Variants in HDAC4 observed in about 807,000 individuals in gnomAD.
HDAC4 encodes the protein histone deacetylase A.
Under a neutral mutation model 135.1 loss-of-function variants are expected in HDAC4, and 16 were observed. That is an observed-to-expected ratio of 0.12 (90% CI 0.08 to 0.18). The LOEUF (loss-of-function observed/expected upper bound fraction) is 0.18, where lower values mean the gene tolerates loss of function less well. Among genes scored for constraint, HDAC4 ranks in the 10% least tolerant of loss-of-function variants. HDAC4 has a pLI of 1.00. For synonymous variants in HDAC4, 685 were observed against 653.4 expected, an observed-to-expected ratio of 1.05 and a Z score of -0.74; for missense variants, 1,143 against 1,511.8, an observed-to-expected ratio of 0.76 and a Z score of 4.05.
intron 16 of HDAC4, 71 bp from the exon 17 acceptor site, chr2:239,095,127 C>G: frequency 6.5e-7 from 1 of 1,547,504 alleles, no homozygotes; most frequent in South Asian, 1.1e-5. Context: ...GCCCTGGGCG[C>G]ACTCCGGGGT....
intron 1 of HDAC4, among the ~76,000 whole-genome samples, chr2:239,388,698 G>A (rs936568297): frequency 2.6e-5 from 4 of 152,182 alleles, no homozygotes; most frequent in East Asian, 1.9e-4. Context: ...GGCTGCAGCC[G>A]CAGGGACTCT....
chr2:239,250,324 C>T (rs192973324), intron 2 of HDAC4, among the ~76,000 whole-genome samples: 4 of 152,346 alleles, frequency 2.6e-5, no homozygotes, highest in East Asian at 3.9e-4. Context: ...CTTCAGTACC[C>T]GGTCTCTAAC....
chr2:239,282,650 C>T (rs2050863045), intron 2 of HDAC4, among the ~76,000 whole-genome samples: 1 of 141,150 alleles, frequency 7.1e-6, no homozygotes, highest in Non-Finnish European at 1.6e-5. Context: ...ACTCTACAAA[C>T]AATGTACACC....
At chr2:239,190,147 C>A (rs2044824862) in intron 3 of HDAC4, 70 bp from the exon 4 acceptor site, 4 of 1,539,902 alleles carry the variant, frequency 2.6e-6, no homozygotes, top group Non-Finnish European at 3.5e-6. Context: ...AGAGCCCCCA[C>A]CCAACACACT....
rs138783066 is a variant in HDAC4, at chr2:239,065,516, T to C, written c.3003+1206A>G. Reference sequence around the variant, plus strand: ...CCCAGAGTGGGGGCTGAGCATCAAATGGGGGTGAAAATGCAGGTTTCCTGC... The same window carrying C: ...CCCAGAGTGGGGGCTGAGCATCAAACGGGGGTGAAAATGCAGGTTTCCTGC... On this transcript the variant is annotated intron_variant, in intron 24 of 26. Coordinates refer to ENST00000543185, the MANE Select transcript of HDAC4 (RefSeq NM_001378414.1). Among the ~76,000 whole-genome samples the C allele has an allele frequency of 2.5e-3, 377 of 152,196 alleles. 2 individuals carry two copies. The highest frequency in any genetic ancestry group is 8.6e-3 in the African/African-American group (356 of 41,536).
intron 13 of HDAC4, among the ~76,000 whole-genome samples, chr2:239,112,594 G>A (rs749407306): frequency 7.6e-4 from 115 of 152,270 alleles, no homozygotes; most frequent in Non-Finnish European, 1.4e-3. Flanking sequence ...ACACCCTGAG[G>A]GATTCTGGGA....
rs749270315 is a variant in HDAC4 at position 239,134,309 on chromosome 2, G to A, written c.1230C>T (p.His410=). ...AGACCATGTGCTGCAGAAGAGGGCTGTGCGCTGCCCCTCCGTCCCGCTCCA... is the reference window on the plus strand; with the variant it reads ...AGACCATGTGCTGCAGAAGAGGGCTATGCGCTGCCCCTCCGTCCCGCTCCA... ...SPLERDGGAA[H]SPLLQHMVLL... is the part of the protein sequence containing the mutation. Residue 410 remains histidine (H), a synonymous_variant, in exon 11 of 27, where the codon CAC becomes CAT. Transcript: ENST00000543185. 1.2e-6 allele frequency: 2 copies of A among 1,613,738 alleles called. No homozygotes were observed. The highest frequency in any genetic ancestry group is 1.7e-6 in the Non-Finnish European group (2 of 1,180,016).
intron 2 of HDAC4, among the ~76,000 whole-genome samples, chr2:239,300,081 C>T (rs2052161325): frequency 6.6e-6 from 1 of 152,194 alleles, no homozygotes. Context: ...CTCTCTCTAA[C>T]ACAGAACTTC....
rs1421223319 is a variant in HDAC4, at chr2:239,167,638, C to T, written c.491-3715G>A. 6.6e-6 allele frequency among the ~76,000 whole-genome samples: 1 copy of T among 152,086 alleles called. No individual in the cohort carries two copies. The highest frequency in any genetic ancestry group is 6.5e-5 in the Admixed American group (1 of 15,278). On this transcript the variant is annotated intron_variant, in intron 5 of 26. Transcript: ENST00000543185. The surrounding 1 kb of genome is among the most constrained non-coding windows in gnomAD (Gnocchi z 4.1). ...CTGCACTTCTGGTTATGCACACGCT[C>T]ATCTGTCAACAGGTTTCTCACTTAA...
chr2:239,156,764 C>T lies in HDAC4; in HGVS notation c.621G>A (p.Gln207=), dbSNP rs771061894. 3 of 1,614,052 alleles carry T rather than the reference C, an allele frequency of 1.9e-6. No homozygotes were observed. Among genetic ancestry groups the T allele is most frequent in the Non-Finnish European group, 1.7e-6 (2 of 1,180,036 alleles). The change falls in exon 7 of 27, where the codon CAG becomes CAA. Residue 207 remains glutamine, a synonymous_variant. Transcript: ENST00000543185. ...GAGAACTCTGGTCAAGGGAACTGTG[C>T]TGCGTTTTCCTGGAGAGAAGGCAAA... ...SDPRYWYGKT[Q]HSSLDQSSPP... is the part of the protein sequence containing the mutation.
At chr2:239,216,459 G>A (rs552969251) in intron 3 of HDAC4, among the ~76,000 whole-genome samples, 8 of 152,208 alleles carry the variant, frequency 5.3e-5, no homozygotes, top group Non-Finnish European at 1.0e-4. Flanking sequence ...GCCCTCTCAG[G>A]ACACCTGGGG....
At chr2:239,182,133 G>GCCA (rs2044191199) in intron 4 of HDAC4, among the ~76,000 whole-genome samples, 2 of 152,168 alleles carry the variant, frequency 1.3e-5, no homozygotes, top group Non-Finnish European at 2.9e-5. Flanking sequence ...GCATCCCTGG[G>GCCA]CCACACTGTC....
At chr2:239,248,327 C>A (rs1326107183) in intron 2 of HDAC4, among the ~76,000 whole-genome samples, 1 of 151,990 alleles carries the variant, frequency 6.6e-6, no homozygotes, top group Non-Finnish European at 1.5e-5. Context: ...ACTACAGGCG[C>A]CGGCCACCAC....
intron 3 of HDAC4, among the ~76,000 whole-genome samples, chr2:239,230,567 G>C (rs573295156): frequency 6.6e-6 from 1 of 152,026 alleles, no homozygotes; most frequent in Non-Finnish European, 1.5e-5. Flanking sequence ...AGGCCGCCAC[G>C]GCCTCTCTTC....
At chr2:239,268,646 T>C (rs545421726) in intron 2 of HDAC4, among the ~76,000 whole-genome samples, 1 of 152,270 alleles carries the variant, frequency 6.6e-6, no homozygotes, top group South Asian at 2.1e-4. Flanking sequence ...GACAGGGTAA[T>C]CCCAGGTGAC....
chr2:239,169,239 A>G (rs1575273583), intron 5 of HDAC4, among the ~76,000 whole-genome samples: 1 of 152,234 alleles, frequency 6.6e-6, no homozygotes, highest in Non-Finnish European at 1.5e-5. Flanking sequence ...TCCAAAGAAA[A>G]ATACATAGGA....
chr2:239,198,269 CCTGCCAACTGTGGGCACAGT>C lies in HDAC4; in HGVS notation c.95-8212_95-8193del, dbSNP rs1249961803. On this transcript the variant is annotated intron_variant, in intron 3 of 26. Transcript: ENST00000543185. Reference sequence around the variant, plus strand: ...AGTGTGAGTGGAGGCACGAAAACCACCTGCCAACTGTGGGCACAGTCTGGTTCTCAATGCCAGGCTTCATG... The same window carrying C: ...AGTGTGAGTGGAGGCACGAAAACCACCTGGTTCTCAATGCCAGGCTTCATG... Among the ~76,000 whole-genome samples the C allele has an allele frequency of 1.9e-4, 29 of 152,192 alleles. 1 individual carries two copies. The highest frequency in any genetic ancestry group is 7.0e-4 in the African/African-American group (29 of 41,454).
chr2:239,076,591 G>A (rs1480909813), intron 22 of HDAC4, among the ~76,000 whole-genome samples: 2 of 152,200 alleles, frequency 1.3e-5, no homozygotes, highest in Non-Finnish European at 2.9e-5. Flanking sequence ...GCAGTCCTGT[G>A]GCCACCCACA....
chr2:239,094,727 G>C, intron 17 of HDAC4: 1 of 1,289,006 alleles, frequency 7.8e-7, no homozygotes, highest in Non-Finnish European at 9.9e-7. Flanking sequence ...AAGGGGATGA[G>C]ATGCTGGCTG....
Sources: allele counts gnomAD v4.1 joint callset (sites outside exome capture counted in the v4.1 genomes callset), GRCh38; gene constraint gnomAD v4.1.1; non-coding constraint Gnocchi (gnomAD v3.1); transcripts MANE v1.5; gene names NCBI Gene and HGNC (gene_info 2026-07-23, HGNC 2026-07-21).